DTNA: variants seen among roughly 807,000 people sequenced by gnomAD.
DTNA encodes the protein dystrophin-related protein 3.
In DTNA, 43 loss-of-function variants were observed where a neutral mutation model predicts 100.7. That is an observed-to-expected ratio of 0.43 (90% CI 0.33 to 0.55). The LOEUF is 0.55. DTNA is among the 20% of genes least tolerant of loss of function. DTNA has a pLI of 0.04. For missense variants in DTNA, 798 were observed against 953.9 expected (o/e 0.84, Z 2.15); for synonymous variants, 349 against 347.9 (o/e 1.00, Z -0.04).
intron 1 of DTNA, among the ~76,000 whole-genome samples, chr18:34,499,098 A>G (rs2039610607): frequency 3.9e-5 from 6 of 152,156 alleles, no homozygotes. Flanking sequence ...GATAATTCCT[A>G]TTGCTCTTCT....
At chr18:34,832,725 T>C (rs1056303575) in intron 11 of DTNA, among the ~76,000 whole-genome samples, 2 of 152,222 alleles carry the variant, frequency 1.3e-5, no homozygotes, top group African/African-American at 4.8e-5. Context: ...GTCTATGAAT[T>C]TTCAGGTAAT....
chr18:34,699,091 T>C (rs1232825753), intron 1 of DTNA, among the ~76,000 whole-genome samples: 1 of 151,682 alleles, frequency 6.6e-6, no homozygotes, highest in Non-Finnish European at 1.5e-5. Context: ...AGATATGAAT[T>C]TTTGAGGGAC....
intron 1 of DTNA, among the ~76,000 whole-genome samples, chr18:34,503,166 C>A (rs568292961): frequency 1.3e-5 from 2 of 151,650 alleles, no homozygotes; most frequent in African/African-American, 4.8e-5. Context: ...AATATAGACA[C>A]TCATTTTTCT....
At chr18:34,588,010 A>G (rs2049313012) in intron 1 of DTNA, among the ~76,000 whole-genome samples, 1 of 152,172 alleles carries the variant, frequency 6.6e-6, no homozygotes, top group African/African-American at 2.4e-5. Flanking sequence ...AGGAAATGCA[A>G]GTAGAAGAAA....
intron 1 of DTNA, among the ~76,000 whole-genome samples, chr18:34,692,787 T>C (rs2079960368): frequency 2.0e-5 from 3 of 152,236 alleles, no homozygotes; most frequent in Non-Finnish European, 4.4e-5. Context: ...TGTAGACTGA[T>C]AGAATTTTAG....
At chr18:34,588,335 G>A (rs753409661) in intron 1 of DTNA, among the ~76,000 whole-genome samples, 6 of 152,112 alleles carry the variant, frequency 3.9e-5, no homozygotes, top group South Asian at 2.1e-4. Context: ...TCTCCTCAAC[G>A]TCTGCCTCAT....
intron 1 of DTNA, among the ~76,000 whole-genome samples, chr18:34,528,897 C>G (rs933744983): frequency 6.6e-6 from 1 of 152,132 alleles, no homozygotes; most frequent in Non-Finnish European, 1.5e-5. Context: ...CAACCCTACT[C>G]ACTCACCTGA....
chr18:34,819,192 T>C (rs1344611702), intron 8 of DTNA, among the ~76,000 whole-genome samples: 2 of 152,240 alleles, frequency 1.3e-5, no homozygotes, highest in East Asian at 3.8e-4. Flanking sequence ...AGTTTTTCTA[T>C]ATTTTAATAT....
intron 1 of DTNA, among the ~76,000 whole-genome samples, chr18:34,535,656 A>T (rs879533212): frequency 6.6e-6 from 1 of 152,014 alleles, no homozygotes; most frequent in Non-Finnish European, 1.5e-5. Context: ...ATTCATCTTG[A>T]ATTAATTTTT....
intron 1 of DTNA, among the ~76,000 whole-genome samples, chr18:34,599,793 G>A (rs192948441): frequency 4.5e-4 from 69 of 151,960 alleles, no homozygotes; most frequent in African/African-American, 8.7e-4. Context: ...TTCTCCTGCC[G>A]CAGCCTCCCA....
At chr18:34,500,141 C>T (rs2039736790) in intron 1 of DTNA, among the ~76,000 whole-genome samples, 1 of 151,986 alleles carries the variant, frequency 6.6e-6, no homozygotes, top group Non-Finnish European at 1.5e-5. Context: ...TATGTTAAAA[C>T]TGCTTAGCAG....
chr18:34,725,312 C>T (rs1456298009), intron 1 of DTNA, among the ~76,000 whole-genome samples: 1 of 151,726 alleles, frequency 6.6e-6, no homozygotes, highest in Non-Finnish European at 1.5e-5. Flanking sequence ...AACAGGCAAC[C>T]TACAGAATAG....
At chr18:34,853,064 T>C (rs1250812367) in intron 15 of DTNA, among the ~76,000 whole-genome samples, 4 of 152,194 alleles carry the variant, frequency 2.6e-5, no homozygotes, top group Non-Finnish European at 5.9e-5. Flanking sequence ...TCAGTAGATA[T>C]ACATTGAGTG....
At chr18:34,607,277 TA>T (rs1257841336) in intron 1 of DTNA, among the ~76,000 whole-genome samples, 1 of 152,174 alleles carries the variant, frequency 6.6e-6, no homozygotes, top group Non-Finnish European at 1.5e-5. Context: ...TTATTTAAAC[TA>T]AGAGTTTCAA....
At chr18:34,697,448 T>C (rs931853329) in intron 1 of DTNA, among the ~76,000 whole-genome samples, 1 of 152,226 alleles carries the variant, frequency 6.6e-6, no homozygotes, top group Admixed American at 6.5e-5. Context: ...TCATTTGAGC[T>C]GGCTGACAGG....
chr18:34,864,936 C>G (rs932165360), intron 17 of DTNA, among the ~76,000 whole-genome samples: 1 of 152,178 alleles, frequency 6.6e-6, no homozygotes, highest in African/African-American at 2.4e-5. Context: ...TTTAGTAAAG[C>G]CTTATTCCCT....
At chr18:34,544,442 A>C (rs2044560400) in intron 1 of DTNA, among the ~76,000 whole-genome samples, 1 of 152,248 alleles carries the variant, frequency 6.6e-6, no homozygotes, top group Non-Finnish European at 1.5e-5. Flanking sequence ...AACAAACTCA[A>C]GAGAACCATA....
chr18:34,493,931 C>T (rs2038854937), intron 1 of DTNA: 1 of 147,668 alleles, frequency 6.8e-6, no homozygotes, highest in Admixed American at 6.7e-5. Context: ...CGGCGCGGCG[C>T]CTCCCCGGGC....
intron 3 of DTNA, among the ~76,000 whole-genome samples, chr18:34,786,375 G>A (rs773254017): frequency 1.3e-5 from 2 of 152,178 alleles, no homozygotes; most frequent in Non-Finnish European, 2.9e-5. Flanking sequence ...TCTGAAGAGT[G>A]TAATTGCAAT....
Sources: gnomAD v4.1 joint callset for allele counts (sites outside exome capture counted in the v4.1 genomes callset) on GRCh38, gnomAD v4.1.1 for gene constraint, MANE v1.5 for transcripts, NCBI Gene and HGNC (gene_info 2026-07-23, HGNC 2026-07-21) for gene names.